MAN1A2: variants seen among roughly 807,000 people sequenced by gnomAD.
The protein encoded by MAN1A2 is mannosyl-oligosaccharide 1,2-alpha-mannosidase IB.
MAN1A2 carries 26 observed loss-of-function variants against 75.7 expected under a neutral mutation model. That is an observed-to-expected ratio of 0.34 (90% confidence interval 0.25 to 0.48). The LOEUF (loss-of-function observed/expected upper bound fraction) is 0.48. Ranked by LOEUF, MAN1A2 falls within the 20% of genes least tolerant of loss-of-function variation. The pLI is 0.99. For missense variants in MAN1A2, 562 were observed against 775.5 expected, an observed-to-expected ratio of 0.72 and a Z score of 3.27; for synonymous variants, 247 against 264.6, an observed-to-expected ratio of 0.93 and a Z score of 0.65.
intron 2 of MAN1A2, 26 bp from the exon 3 acceptor site, chr1:117,405,523 A>T (rs1417878157): frequency 1.5e-6 from 2 of 1,375,296 alleles, no homozygotes; most frequent in Non-Finnish European, 2.1e-6. Context: ...ATTTAAATTG[A>T]TGGATTATAA....
At chr1:117,502,189 T>G (rs2101882116) in intron 11 of MAN1A2, among the ~76,000 whole-genome samples, 1 of 150,228 alleles carries the variant, frequency 6.7e-6, no homozygotes, top group African/African-American at 2.4e-5. Flanking sequence ...CCTCATAGAG[T>G]TCTGAAATTC....
At chr1:117,402,121 A>T in intron 1 of MAN1A2, 65 bp from the exon 2 acceptor site, 1 of 1,476,848 alleles carries the variant, frequency 6.8e-7, no homozygotes, top group Non-Finnish European at 9.1e-7. Flanking sequence ...TTTATGTTTT[A>T]TATTTAAAGG....
intron 8 of MAN1A2, among the ~76,000 whole-genome samples, chr1:117,475,359 AT>A (rs970629108): frequency 2.7e-4 from 40 of 149,984 alleles, no homozygotes; most frequent in African/African-American, 7.8e-4. Flanking sequence ...ATTACATTGT[AT>A]TTTTTTTTCC....
At chr1:117,514,963 A>G in intron 12 of MAN1A2, 1 of 520,548 alleles carries the variant, frequency 1.9e-6, no homozygotes, top group South Asian at 1.5e-5. Context: ...AAGTCAAATC[A>G]ATATGTACTT....
intron 8 of MAN1A2, among the ~76,000 whole-genome samples, chr1:117,489,103 G>A (rs1310898046): frequency 6.6e-6 from 1 of 152,006 alleles, no homozygotes; most frequent in Non-Finnish European, 1.5e-5. Context: ...TCTCTTTAAT[G>A]ATTGTGCAGT....
At chr1:117,493,117 T>G (rs761995393) in intron 8 of MAN1A2, 30 bp from the exon 9 acceptor site, 1 of 1,241,968 alleles carries the variant, frequency 8.1e-7, no homozygotes, top group African/African-American at 1.5e-5. Context: ...TGCCTTTACC[T>G]CTATCCTTCT....
rs1361773573 is a variant in MAN1A2 at position 117,367,729 on chromosome 1, A to G, written c.-455A>G. ...CCTTATTTTTTCCACCGCTAAGGTTAAGAGATTCTGGAATAGAAGCGTCGA... is the reference window on the plus strand; with the variant it reads ...CCTTATTTTTTCCACCGCTAAGGTTGAGAGATTCTGGAATAGAAGCGTCGA... On this transcript the variant is annotated 5_prime_UTR_variant, in exon 1 of 13. Coordinates refer to ENST00000356554, the MANE Select transcript of MAN1A2 (RefSeq NM_006699.5). The G allele has an allele frequency of 1.3e-5, 2 of 154,666 alleles. No homozygotes were observed. Among genetic ancestry groups the G allele is most frequent in the African/African-American group, 4.8e-5 (2 of 41,518 alleles). The allele number at this position is 154,666 out of a possible 1,614,324, so 9.6% of individuals were successfully genotyped here.
At position 117,391,367 on chromosome 1, in the gene MAN1A2, A is replaced by G. The variant is rs545181882; in HGVS notation, c.303-10819A>G. Among the ~76,000 whole-genome samples, 110 of 152,132 alleles carry G rather than the reference A, an allele frequency of 7.2e-4. 1 individual carries two copies. Among genetic ancestry groups the G allele is most frequent in the Non-Finnish European group, 1.4e-3 (96 of 68,002 alleles). On this transcript the variant is annotated intron_variant, in intron 1 of 12. Transcript: ENST00000356554. ...TATTGATTTTCCTTCTATTTTGATC[A>G]GTTATTGAGTGAAGGATGTTGAAAT...
At chr1:117,483,996 T>G (rs60708808) in intron 8 of MAN1A2, among the ~76,000 whole-genome samples, 1 of 151,846 alleles carries the variant, frequency 6.6e-6, no homozygotes. Context: ...CAAATAATCA[T>G]TGTATAACCA....
At chr1:117,401,813 T>A (rs1289939) in intron 1 of MAN1A2, among the ~76,000 whole-genome samples, 1 of 151,626 alleles carries the variant, frequency 6.6e-6, no homozygotes, top group African/African-American at 2.4e-5. Context: ...TTCCTCTTAT[T>A]TTTTTCTTTG....
intron 8 of MAN1A2, among the ~76,000 whole-genome samples, chr1:117,489,516 C>T (rs1650814462): frequency 6.6e-6 from 1 of 151,794 alleles, no homozygotes; most frequent in Non-Finnish European, 1.5e-5. Context: ...TTTAATTTTC[C>T]TTATTTGTCA....
intron 7 of MAN1A2, among the ~76,000 whole-genome samples, chr1:117,462,975 G>A (rs905405807): frequency 6.6e-6 from 1 of 151,932 alleles, no homozygotes; most frequent in Non-Finnish European, 1.5e-5. Flanking sequence ...GAGTAGAGTC[G>A]AGATATATAT....
intron 1 of MAN1A2, among the ~76,000 whole-genome samples, chr1:117,370,837 A>C (rs967773147): frequency 1.3e-5 from 2 of 151,908 alleles, no homozygotes; most frequent in Admixed American, 6.6e-5. Context: ...AGTCATGGTC[A>C]CCATTTCTTA....
chr1:117,417,093 G>A (rs1298624432), intron 4 of MAN1A2, among the ~76,000 whole-genome samples: 1 of 152,144 alleles, frequency 6.6e-6, no homozygotes, highest in Non-Finnish European at 1.5e-5. Context: ...CTAAAAGGGA[G>A]CCAGTTGGTA....
intron 12 of MAN1A2, among the ~76,000 whole-genome samples, chr1:117,510,856 T>C (rs1171691713): frequency 6.6e-6 from 1 of 152,008 alleles, no homozygotes; most frequent in African/African-American, 2.4e-5. Context: ...CTGTTTTGAG[T>C]GCCTGCCTGT....
At position 117,497,047 on chromosome 1, in the gene MAN1A2, C is replaced by G; in HGVS notation, c.1504+65C>G. 4.5e-6 allele frequency: 6 copies of G among 1,341,050 alleles called. No individual in the cohort carries two copies. The South Asian group carries it at 8.1e-5, about 18-fold the overall frequency. The allele number at this position is 1,341,050 out of a possible 1,614,324, so 83.1% of individuals were successfully genotyped here. A position where few individuals can be genotyped will look rare whatever the true frequency, so the allele number is the denominator to read the frequency against. The stretch of plus-strand genomic sequence containing the variant: ...ATCTCTAAGTTAAAAATGTGTTCAG[C>G]AATAAGAAGGAGAATATATAGGCAC... On this transcript the variant is annotated intron_variant, in intron 10 of 12. Transcript: ENST00000356554.
chr1:117,492,125 T>G (rs978200057), intron 8 of MAN1A2, among the ~76,000 whole-genome samples: 4 of 152,092 alleles, frequency 2.6e-5, no homozygotes, highest in East Asian at 1.9e-4. Flanking sequence ...CCTCCAAGTT[T>G]GAAAGAATTT....
intron 8 of MAN1A2, among the ~76,000 whole-genome samples, chr1:117,468,538 C>T (rs1650048713): frequency 6.6e-6 from 1 of 152,100 alleles, no homozygotes; most frequent in African/African-American, 2.4e-5. Context: ...ATACAGTAGT[C>T]ACTAGCCACA....
intron 12 of MAN1A2, among the ~76,000 whole-genome samples, chr1:117,505,337 T>C (rs968053782): frequency 2.0e-5 from 3 of 151,482 alleles, no homozygotes; most frequent in Middle Eastern, 3.4e-3. Context: ...GGGCTGGAAA[T>C]AGATGGTATG....
Sources: gnomAD v4.1 joint callset for allele counts (sites outside exome capture counted in the v4.1 genomes callset) on GRCh38, gnomAD v4.1.1 for gene constraint, MANE v1.5 for transcripts, NCBI Gene and HGNC (gene_info 2026-07-23, HGNC 2026-07-21) for gene names.